FANCL: variants seen among roughly 807,000 people sequenced by gnomAD.
FANCL encodes the protein E3 ubiquitin-protein ligase FANCL.
A neutral mutation model predicts 59.4 loss-of-function variants in FANCL; 69 were observed. That is an observed-to-expected ratio of 1.16 (90% CI 0.96 to 1.42). The LOEUF (loss-of-function observed/expected upper bound fraction) is 1.42, where lower values mean the gene tolerates loss of function less well. Among genes scored for constraint, FANCL ranks in the 40% most tolerant of loss-of-function variants. The pLI, the probability that FANCL is intolerant of heterozygous loss-of-function variation, is 0.00. For missense variants in FANCL, 519 were observed against 447.2 expected (o/e 1.16, Z -1.45); for synonymous variants, 180 against 147.1 (o/e 1.22, Z -1.62).
chr2:58,171,891 T>G (rs993989560), intron 7 of FANCL, among the ~76,000 whole-genome samples: 1 of 152,140 alleles, frequency 6.6e-6, no homozygotes, highest in Admixed American at 6.5e-5. Flanking sequence ...GAAAATCGGG[T>G]CACTCCCACC....
intron 7 of FANCL, among the ~76,000 whole-genome samples, chr2:58,178,165 A>G (rs940798044): frequency 3.8e-4 from 58 of 152,166 alleles, no homozygotes; most frequent in African/African-American, 1.4e-3. Flanking sequence ...AGAGGTACAA[A>G]GAAGAGCTGG....
At chr2:58,236,051 A>C (rs74924593) in intron 1 of FANCL, among the ~76,000 whole-genome samples, 1 of 141,992 alleles carries the variant, frequency 7.0e-6, no homozygotes, top group African/African-American at 2.5e-5. Context: ...AAGGAGGAAC[A>C]AAAAAAAAAA....
intron 1 of FANCL, among the ~76,000 whole-genome samples, chr2:58,237,914 C>T (rs545893447): frequency 1.3e-5 from 2 of 152,166 alleles, no homozygotes; most frequent in Non-Finnish European, 2.9e-5. Flanking sequence ...TTGTATCATA[C>T]ACTCAGGAGA....
At chr2:58,182,628 A>G (rs987509974) in intron 7 of FANCL, among the ~76,000 whole-genome samples, 8 of 151,828 alleles carry the variant, frequency 5.3e-5, no homozygotes, top group African/African-American at 1.9e-4. Context: ...AAAATAGTCA[A>G]TTTGTAACCA....
chr2:58,221,446 AT>A (rs977693018), intron 5 of FANCL, among the ~76,000 whole-genome samples: 1 of 152,108 alleles, frequency 6.6e-6, no homozygotes, highest in Non-Finnish European at 1.5e-5. Context: ...TAAAAAAAAA[AT>A]CATTTTTTTC....
At chr2:58,202,695 A>G (rs1190912163) in intron 6 of FANCL, among the ~76,000 whole-genome samples, 1 of 152,016 alleles carries the variant, frequency 6.6e-6, no homozygotes, top group African/African-American at 2.4e-5. Context: ...GAAAAAGTAT[A>G]GAAAAAAGCA....
At chr2:58,194,632 C>T (rs965197338) in intron 7 of FANCL, among the ~76,000 whole-genome samples, 3 of 152,028 alleles carry the variant, frequency 2.0e-5, no homozygotes, top group Admixed American at 1.3e-4. Flanking sequence ...TTTCTTACTA[C>T]TCTAAATGTC....
intron 7 of FANCL, among the ~76,000 whole-genome samples, chr2:58,188,823 A>G (rs1226773651): frequency 6.6e-6 from 1 of 152,128 alleles, no homozygotes; most frequent in East Asian, 1.9e-4. Context: ...TTGAATCTCT[A>G]GATCAATTTG....
At chr2:58,228,136 T>C (rs1331059654) in intron 3 of FANCL, among the ~76,000 whole-genome samples, 1 of 152,142 alleles carries the variant, frequency 6.6e-6, no homozygotes, top group African/African-American at 2.4e-5. Context: ...CTCTCACAAC[T>C]AATCCATATT....
At chr2:58,160,014 T>G in intron 13 of FANCL, 94 bp downstream of exon 13, 2 of 1,573,654 alleles carry the variant, frequency 1.3e-6, no homozygotes, top group South Asian at 2.4e-5. Flanking sequence ...TTCAAAAGTT[T>G]TAGATAAACT....
At chr2:58,239,200 C>T (rs1392005776) in intron 1 of FANCL, among the ~76,000 whole-genome samples, 1 of 152,110 alleles carries the variant, frequency 6.6e-6, no homozygotes, top group Non-Finnish European at 1.5e-5. Context: ...CCTCAGAGTA[C>T]CTCCCCAAAA....
chr2:58,211,905 A>T (rs848284), intron 5 of FANCL, among the ~76,000 whole-genome samples: 108,997 of 152,092 alleles, frequency 0.72, 40,173 homozygotes, highest in African/African-American at 0.9. Context: ...GGCAAAGCCA[A>T]GCAACTAGTC....
chr2:58,195,691 G>A (rs910718011), intron 7 of FANCL, among the ~76,000 whole-genome samples: 1 of 151,868 alleles, frequency 6.6e-6, no homozygotes, highest in Non-Finnish European at 1.5e-5. Flanking sequence ...TAGATAAAAT[G>A]TTTATAATAA....
intron 7 of FANCL, chr2:58,194,340 C>A: frequency 2.1e-6 from 1 of 469,470 alleles, no homozygotes; most frequent in Non-Finnish European, 4.4e-6. Context: ...GACATTTAGG[C>A]ATTCTACAGT....
chr2:58,235,109 G>A (rs1199837604), intron 1 of FANCL, among the ~76,000 whole-genome samples: 1 of 151,894 alleles, frequency 6.6e-6, no homozygotes, highest in Non-Finnish European at 1.5e-5. Flanking sequence ...ATGTGATCAA[G>A]GGGAGGCCAA....
chr2:58,228,785 A>G (rs1409748503), intron 3 of FANCL, among the ~76,000 whole-genome samples: 1 of 152,224 alleles, frequency 6.6e-6, no homozygotes, highest in Non-Finnish European at 1.5e-5. Context: ...GGGGGCAAGG[A>G]AAGATAAATA....
intron 5 of FANCL, among the ~76,000 whole-genome samples, chr2:58,205,562 T>TTTA (rs1259987869): frequency 6.6e-6 from 1 of 152,080 alleles, no homozygotes; most frequent in African/African-American, 2.4e-5. Flanking sequence ...AGCACATGCA[T>TTTA]TTATATTCTC....
In FANCL at chr2:58,200,352, G is replaced by A. The variant is rs1314975754; in HGVS notation, c.472-1690C>T. Among the ~76,000 whole-genome samples, 3 of 152,106 alleles carry A rather than the reference G, an allele frequency of 2.0e-5. No individual in the cohort carries two copies. In the East Asian group the frequency reaches 5.8e-4, roughly 29 times the overall value. On this transcript the variant is annotated intron_variant, in intron 6 of 13. Coordinates refer to ENST00000233741, the MANE Select transcript of FANCL (RefSeq NM_018062.4). ...AACAAGTCATTTAATTTCTCTGGCT[G>A]TTTCACATGTAAAAATGACAAAACT...
At chr2:58,215,382 A>C (rs992147644) in intron 5 of FANCL, among the ~76,000 whole-genome samples, 5 of 152,230 alleles carry the variant, frequency 3.3e-5, no homozygotes, top group Non-Finnish European at 5.9e-5. Flanking sequence ...ACCAGTCCTC[A>C]ATATCATAAT....
Sources: allele counts gnomAD v4.1 joint callset (sites outside exome capture counted in the v4.1 genomes callset), GRCh38; gene constraint gnomAD v4.1.1; transcripts MANE v1.5; gene names NCBI Gene and HGNC (gene_info 2026-07-23, HGNC 2026-07-21).